DTNA: variants seen among roughly 807,000 people sequenced by gnomAD.
The protein encoded by DTNA is dystrophin-related protein 3.
DTNA carries 43 observed loss-of-function variants against 100.7 expected under a neutral mutation model. The ratio of observed to expected loss-of-function variants is 0.43; its 90% CI spans 0.33 to 0.55. DTNA has a LOEUF of 0.55. Ranked by LOEUF, DTNA falls within the 20% of genes least tolerant of loss-of-function variation. The pLI is 0.04. For synonymous variants in DTNA, 349 were observed against 347.9 expected, an observed-to-expected ratio of 1.00 and a Z score of -0.04; for missense variants, 798 against 953.9, an observed-to-expected ratio of 0.84 and a Z score of 2.15.
chr18:34,685,942 C>T (rs1468213228), intron 1 of DTNA, among the ~76,000 whole-genome samples: 1 of 152,098 alleles, frequency 6.6e-6, no homozygotes, highest in Non-Finnish European at 1.5e-5. Context: ...CTCTGTTTGT[C>T]TATTACTGGT....
intron 3 of DTNA, among the ~76,000 whole-genome samples, chr18:34,766,651 A>G (rs1568453348): frequency 6.6e-6 from 1 of 152,206 alleles, no homozygotes; most frequent in African/African-American, 2.4e-5. Context: ...GTGCACATGT[A>G]CCCTAAAACT....
At chr18:34,681,696 A>C (rs2078126400) in intron 1 of DTNA, among the ~76,000 whole-genome samples, 1 of 73,158 alleles carries the variant, frequency 1.4e-5, no homozygotes, top group Admixed American at 1.2e-4. Flanking sequence ...CCTATACACA[A>C]CACACACACA....
intron 4 of DTNA, among the ~76,000 whole-genome samples, chr18:34,801,034 A>T (rs2095189388): frequency 6.6e-6 from 1 of 152,204 alleles, no homozygotes. Context: ...TCAAATTTTT[A>T]ACATAAAACA....
chr18:34,686,300 T>G (rs1462410247), intron 1 of DTNA, among the ~76,000 whole-genome samples: 3 of 152,210 alleles, frequency 2.0e-5, no homozygotes, highest in Non-Finnish European at 4.4e-5. Flanking sequence ...CTTATTATTT[T>G]GAGATATGTT....
intron 9 of DTNA, among the ~76,000 whole-genome samples, chr18:34,822,765 A>T (rs2095756478): frequency 6.6e-6 from 1 of 152,180 alleles, no homozygotes; most frequent in South Asian, 2.1e-4. Flanking sequence ...TATTTATTGA[A>T]TTAACTGAGG....
chr18:34,866,281 T>C, intron 17 of DTNA: 2 of 1,544,446 alleles, frequency 1.3e-6, no homozygotes, highest in African/African-American at 1.4e-5. Context: ...TTCAATGTAG[T>C]GCTTGAATTG....
At chr18:34,867,505 A>G (rs1006849674) in intron 17 of DTNA, 29 of 1,192,134 alleles carry the variant, frequency 2.4e-5, no homozygotes, top group Non-Finnish European at 3.0e-5. Context: ...ATCATGGTAA[A>G]GAAAAATGCC....
At chr18:34,791,291 G>T (rs2094729656) in intron 3 of DTNA, among the ~76,000 whole-genome samples, 1 of 152,052 alleles carries the variant, frequency 6.6e-6, no homozygotes, top group Non-Finnish European at 1.5e-5. Context: ...CCCAGTCCAT[G>T]CTCCTCTCCC....
chr18:34,727,203 C>G (rs1780730124), intron 1 of DTNA, among the ~76,000 whole-genome samples: 2 of 152,226 alleles, frequency 1.3e-5, no homozygotes, highest in African/African-American at 4.8e-5. Context: ...GCCCCAAAAC[C>G]CATTCTTTCC....
At chr18:34,710,291 C>A (rs1201571303), upstream of DTNA, 1 of 152,062 alleles carries the variant, frequency 6.6e-6, no homozygotes, top group Non-Finnish European at 1.5e-5. Context: ...GTGTTGAGCA[C>A]AAGGGGAAGA....
intron 1 of DTNA, among the ~76,000 whole-genome samples, chr18:34,676,621 G>T (rs1600033150): frequency 6.6e-6 from 1 of 152,224 alleles, no homozygotes; most frequent in Non-Finnish European, 1.5e-5. Flanking sequence ...GATTGTTTGA[G>T]CTCAGATGTT....
chr18:34,758,981 A>C (rs1395517314), intron 2 of DTNA, among the ~76,000 whole-genome samples: 1 of 152,240 alleles, frequency 6.6e-6, no homozygotes, highest in East Asian at 1.9e-4. Flanking sequence ...AACAGCAAAG[A>C]AATGAAATTA....
chr18:34,730,964 A>G (rs930180565), intron 1 of DTNA, among the ~76,000 whole-genome samples: 2 of 152,046 alleles, frequency 1.3e-5, no homozygotes, highest in Non-Finnish European at 2.9e-5. Context: ...CCCTTCACAT[A>G]TGCCTCCAGA....
chr18:34,827,783 A>G, intron 10 of DTNA, 107 bp downstream of exon 10: 1 of 1,117,928 alleles, frequency 8.9e-7, no homozygotes, highest in Non-Finnish European at 1.4e-6. Flanking sequence ...TATTGTTACT[A>G]GAAACTAACT....
In DTNA at chr18:34,879,640, G is replaced by T. The variant is rs1268301985; in HGVS notation, c.2083G>T (p.Ala695Ser). ...TGTTCCCTCACCAACCTCTGAAAAG[G>T]CTTTTCTAGCGCAAATCCATGCCCG... ...DLVPSPTSEK[A>S]FLAQIHARKP... Residue 695 changes from alanine (A) to serine (S), a missense_variant, in exon 20 of 23, where the codon GCT becomes TCT. This residue lies in a region of DTNA where 242 missense variants were observed against 238.2 expected (regional missense o/e 1.02). Transcript: ENST00000444659. 1.2e-6 allele frequency: 2 copies of T among 1,614,048 alleles called. No homozygotes were observed. The highest frequency in any genetic ancestry group is 2.7e-5 in the African/African-American group (2 of 75,018).
chr18:34,617,016 C>A (rs1449278013), intron 1 of DTNA, among the ~76,000 whole-genome samples: 1 of 152,026 alleles, frequency 6.6e-6, no homozygotes, highest in African/African-American at 2.4e-5. Flanking sequence ...TATCTAATAT[C>A]TTTTGGGAAG....
At chr18:34,660,063 A>G (rs2074971091) in intron 1 of DTNA, among the ~76,000 whole-genome samples, 1 of 152,222 alleles carries the variant, frequency 6.6e-6, no homozygotes, top group African/African-American at 2.4e-5. Context: ...GCAGAAGGCA[A>G]AGAAATGAGT....
intron 1 of DTNA, among the ~76,000 whole-genome samples, chr18:34,588,064 C>T (rs2049317796): frequency 6.6e-6 from 1 of 152,092 alleles, no homozygotes; most frequent in Non-Finnish European, 1.5e-5. Context: ...TGATTTCTTA[C>T]CCTATCAAAG....
chr18:34,548,947 T>C (rs959694680), intron 1 of DTNA, among the ~76,000 whole-genome samples: 1 of 152,118 alleles, frequency 6.6e-6, no homozygotes, highest in Admixed American at 6.6e-5. Context: ...ATCAAGTCTC[T>C]AGAATGATTG....
Sources: allele counts gnomAD v4.1 joint callset (sites outside exome capture counted in the v4.1 genomes callset), GRCh38; gene constraint gnomAD v4.1.1; regional missense constraint gnomAD v4.1.1; transcripts MANE v1.5; gene names NCBI Gene and HGNC (gene_info 2026-07-23, HGNC 2026-07-21).